Variants in ABLIM2 observed in about 807,000 individuals in gnomAD.
The protein encoded by ABLIM2 is actin-binding LIM protein 2.
In ABLIM2, 53 loss-of-function variants were observed where a neutral mutation model predicts 97.7. That is an observed-to-expected ratio of 0.54 (90% CI 0.44 to 0.68). The LOEUF (loss-of-function observed/expected upper bound fraction) is 0.68. Ranked by LOEUF, ABLIM2 falls within the 30% of genes least tolerant of loss-of-function variation. The pLI, the probability that ABLIM2 is intolerant of heterozygous loss-of-function variation, is 0.00. For missense variants in ABLIM2, 835 were observed against 867.2 expected, an observed-to-expected ratio of 0.96 and a Z score of 0.47; for synonymous variants, 361 against 345.8, an observed-to-expected ratio of 1.04 and a Z score of -0.49.
intron 1 of ABLIM2, among the ~76,000 whole-genome samples, chr4:8,153,662 C>T (rs972784221): frequency 2.6e-5 from 4 of 152,220 alleles, no homozygotes; most frequent in South Asian, 2.1e-4. Flanking sequence ...CCCTGCAGAA[C>T]GGAATCGCCG....
At chr4:8,074,408 C>T (rs1814571652) in intron 6 of ABLIM2, among the ~76,000 whole-genome samples, 1 of 152,158 alleles carries the variant, frequency 6.6e-6, no homozygotes, top group Non-Finnish European at 1.5e-5. Flanking sequence ...GCTATGACTT[C>T]ATCACTGCGC....
intron 12 of ABLIM2, 36 bp from the exon 13 acceptor site, chr4:8,020,339 G>C: frequency 6.4e-7 from 1 of 1,554,252 alleles, no homozygotes; most frequent in Non-Finnish European, 8.9e-7. Flanking sequence ...AGATAGAAGG[G>C]GAAACGGGAA....
intron 14 of ABLIM2, among the ~76,000 whole-genome samples, chr4:8,014,824 A>T (rs1767670449): frequency 6.6e-6 from 1 of 152,224 alleles, no homozygotes. Flanking sequence ...GGACAAGGAA[A>T]GTGGGCCTGC....
rs1755465390 is a variant in ABLIM2, at chr4:7,999,231, G to A, written c.1619-6304C>T. On this transcript the variant is annotated intron_variant, in intron 16 of 20. Transcript: ENST00000447017. The surrounding 1 kb of genome is among the most constrained non-coding windows in gnomAD (Gnocchi z 4.4). The stretch of plus-strand genomic sequence containing the variant: ...TGTACCACTGCGCCCAGCTAATTTT[G>A]TATTTTTAGTAGAGACAAGGTTTCT... 6.6e-6 allele frequency among the ~76,000 whole-genome samples: 1 copy of A among 152,114 alleles called. No homozygotes were observed. Among genetic ancestry groups the A allele is most frequent in the Admixed American group, 6.5e-5 (1 of 15,268 alleles).
At chr4:8,074,317 T>C (rs968563652) in intron 6 of ABLIM2, among the ~76,000 whole-genome samples, 4 of 152,020 alleles carry the variant, frequency 2.6e-5, no homozygotes, top group African/African-American at 4.8e-5. Context: ...TATCCAAGCA[T>C]GGTATTGCAT....
At chr4:7,994,049 G>A in intron 16 of ABLIM2, 1 of 434,460 alleles carries the variant, frequency 2.3e-6, no homozygotes, top group South Asian at 1.6e-5. Flanking sequence ...GACCCTGGAG[G>A]GGCAGGACCC....
intron 16 of ABLIM2, among the ~76,000 whole-genome samples, chr4:7,997,022 T>C (rs1753791520): frequency 1.3e-5 from 2 of 152,220 alleles, no homozygotes; most frequent in Admixed American, 1.3e-4. Context: ...CTTGTAGGTT[T>C]ATGTCTTTCT....
intron 6 of ABLIM2, among the ~76,000 whole-genome samples, chr4:8,075,000 G>A (rs984415122): frequency 9.2e-5 from 14 of 152,098 alleles, no homozygotes; most frequent in South Asian, 8.3e-4. Flanking sequence ...TGGCCAGGCT[G>A]GTCTTGAACT....
At chr4:8,012,689 A>G (rs140789746) in intron 14 of ABLIM2, among the ~76,000 whole-genome samples, 1 of 151,146 alleles carries the variant, frequency 6.6e-6, no homozygotes, top group African/African-American at 2.4e-5. Flanking sequence ...GCCTTCACTT[A>G]TTTTGATATT....
intron 1 of ABLIM2, among the ~76,000 whole-genome samples, chr4:8,136,427 A>T (rs1393415878): frequency 1.3e-5 from 2 of 152,218 alleles, no homozygotes; most frequent in African/African-American, 4.8e-5. Flanking sequence ...AATGGTCTAG[A>T]TGGAAATATA....
Position 8,015,612 on chromosome 4 carries a change from C to T in ABLIM2, c.1423+4006G>A, listed in dbSNP as rs777885225. 7.2e-5 allele frequency among the ~76,000 whole-genome samples: 11 copies of T among 152,332 alleles called. No individual in the cohort carries two copies. The highest frequency in any genetic ancestry group is 2.0e-4 in the Admixed American group (3 of 15,302). Reference sequence around the variant, plus strand: ...CAGGGCACAAAGACACAGGGAACAACGTGTGTCCCGTGGGGTCACTTCCAC... The same window carrying T: ...CAGGGCACAAAGACACAGGGAACAATGTGTGTCCCGTGGGGTCACTTCCAC... On this transcript the variant is annotated intron_variant, in intron 14 of 20. Coordinates refer to ENST00000447017, the MANE Select transcript of ABLIM2 (RefSeq NM_001130083.2). The surrounding 1 kb of genome is among the most constrained non-coding windows in gnomAD (Gnocchi z 4.6).
At chr4:8,076,601 A>G (rs1477708843) in intron 6 of ABLIM2, among the ~76,000 whole-genome samples, 3 of 151,810 alleles carry the variant, frequency 2.0e-5, no homozygotes, top group African/African-American at 7.3e-5. Flanking sequence ...CACACCAGGC[A>G]CAGCCCCTCT....
rs965834426 is a variant in ABLIM2 at position 8,128,355 on chromosome 4, G to A, written c.11-21718C>T. 2.6e-5 allele frequency among the ~76,000 whole-genome samples: 4 copies of A among 152,186 alleles called. No homozygotes were observed. Among genetic ancestry groups the A allele is most frequent in the Admixed American group, 1.3e-4 (2 of 15,278 alleles). ...CAGGTGGGTGGGGCCACAAGAAGAC[G>A]TGTCTCTATCTAGCGAATCAGAGTC... On this transcript the variant is annotated intron_variant, in intron 1 of 20. Transcript: ENST00000447017. The surrounding 1 kb of genome is among the most constrained non-coding windows in gnomAD (Gnocchi z 4.9).
intron 8 of ABLIM2, among the ~76,000 whole-genome samples, chr4:8,052,886 T>G (rs746155691): frequency 3.3e-5 from 5 of 152,168 alleles, no homozygotes; most frequent in Non-Finnish European, 5.9e-5. Flanking sequence ...GCCTGCTTGG[T>G]GGAATGGATG....
chr4:8,137,598 G>C (rs1427727643), intron 1 of ABLIM2, among the ~76,000 whole-genome samples: 1 of 152,216 alleles, frequency 6.6e-6, no homozygotes, highest in Non-Finnish European at 1.5e-5. Context: ...AGAAGGGATG[G>C]GAGGTGCAGT....
intron 17 of ABLIM2, 85 bp from the exon 18 acceptor site, chr4:7,984,978 T>C: frequency 1.4e-6 from 2 of 1,440,706 alleles, no homozygotes; most frequent in East Asian, 2.4e-5. Context: ...TGTGGCCCCT[T>C]GGAGGCCGAG....
At chr4:7,982,615 T>C (rs189015462) in intron 20 of ABLIM2, among the ~76,000 whole-genome samples, 14 of 152,290 alleles carry the variant, frequency 9.2e-5, no homozygotes, top group African/African-American at 3.4e-4. Context: ...TCCGGTTATT[T>C]TAGATGGGTG....
intron 9 of ABLIM2, among the ~76,000 whole-genome samples, chr4:8,038,114 T>C (rs1431860340): frequency 3.9e-5 from 6 of 152,220 alleles, no homozygotes; most frequent in Non-Finnish European, 7.3e-5. Context: ...ATGAGCTGTC[T>C]ACCCCGAGAC....
At chr4:8,144,801 G>A (rs1299836201) in intron 1 of ABLIM2, among the ~76,000 whole-genome samples, 3 of 152,204 alleles carry the variant, frequency 2.0e-5, no homozygotes, top group African/African-American at 2.4e-5. Context: ...ACCAGCCACC[G>A]GGCACCCTTT....
Sources: gnomAD v4.1 joint callset for allele counts (sites outside exome capture counted in the v4.1 genomes callset) on GRCh38, gnomAD v4.1.1 for gene constraint, Gnocchi (gnomAD v3.1) non-coding constraint, MANE v1.5 for transcripts, NCBI Gene and HGNC (gene_info 2026-07-23, HGNC 2026-07-21) for gene names.